ATP2B2: variants seen among roughly 807,000 people sequenced by gnomAD.
The protein encoded by ATP2B2 is plasma membrane calcium-transporting ATPase 2.
A neutral mutation model predicts 120.0 loss-of-function variants in ATP2B2; 15 were observed. The observed-to-expected ratio is 0.12, with a 90% CI of 0.08 to 0.19. The LOEUF (loss-of-function observed/expected upper bound fraction) is 0.19. ATP2B2 is among the 10% of genes least tolerant of loss of function. The pLI is 1.00. For missense variants in ATP2B2, 1,045 were observed against 1,719.8 expected, an observed-to-expected ratio of 0.61 and a Z score of 6.94; for synonymous variants, 694 against 700.3, an observed-to-expected ratio of 0.99 and a Z score of 0.14.
In ATP2B2 at chr3:10,493,848, G is replaced by C. The variant is rs979810407; in HGVS notation, c.-320+11617C>G. ...AGAGGGGCAGGAAGGCCCTCAGAAG[G>C]GGGAGACCCTTAGGTGGGGGTTGAA... is the stretch of plus-strand genomic sequence containing the variant. On this transcript the variant is annotated intron_variant, in intron 1 of 22. Coordinates refer to ENST00000360273, the MANE Select transcript of ATP2B2 (RefSeq NM_001001331.4). Among the ~76,000 whole-genome samples, 25 of 152,192 alleles carry C rather than the reference G, an allele frequency of 1.6e-4. 1 individual carries two copies. The highest frequency in any genetic ancestry group is 5.3e-4 in the African/African-American group (22 of 41,436).
chr3:10,491,373 A>T (rs1298643689), intron 1 of ATP2B2, among the ~76,000 whole-genome samples: 1 of 151,994 alleles, frequency 6.6e-6, no homozygotes, highest in Non-Finnish European at 1.5e-5. Context: ...TTACAGGTGC[A>T]TACCACCATG....
At chr3:10,399,532 C>T (rs1559286057) in intron 5 of ATP2B2, among the ~76,000 whole-genome samples, 1 of 152,218 alleles carries the variant, frequency 6.6e-6, no homozygotes, top group Non-Finnish European at 1.5e-5. Flanking sequence ...TATTTGCTTG[C>T]TTATTACTTT....
At chr3:10,649,609 G>GGATGGGTGAATGGACA (rs1474454360) in intron 1 of ATP2B2, among the ~76,000 whole-genome samples, 1 of 152,182 alleles carries the variant, frequency 6.6e-6, no homozygotes, top group African/African-American at 2.4e-5. Context: ...GGGATGAGAT[G>GGATGGGTGAATGGACA]GATGGGTGAA....
chr3:10,707,814 G>A (rs1193090287), intron 1 of ATP2B2: 1 of 152,292 alleles, frequency 6.6e-6, no homozygotes, highest in East Asian at 1.9e-4. Flanking sequence ...GGGGTCTCCG[G>A]GGCCGAGCGC....
intron 2 of ATP2B2, among the ~76,000 whole-genome samples, chr3:10,554,998 C>T (rs1282546418): frequency 1.3e-5 from 2 of 152,198 alleles, no homozygotes; most frequent in African/African-American, 4.8e-5. Context: ...AAACCTATCC[C>T]CTCTGAACCT....
At chr3:10,526,377 T>A (rs2067091930) in intron 3 of ATP2B2, among the ~76,000 whole-genome samples, 1 of 152,174 alleles carries the variant, frequency 6.6e-6, no homozygotes, top group African/African-American at 2.4e-5. Flanking sequence ...CATTCCCTAT[T>A]TAAGGAGTTC....
intron 2 of ATP2B2, among the ~76,000 whole-genome samples, chr3:10,560,739 C>T (rs949353988): frequency 6.6e-6 from 1 of 152,210 alleles, no homozygotes; most frequent in African/African-American, 2.4e-5. Context: ...ATACACTCCC[C>T]AACAGAAGGG....
intron 1 of ATP2B2, among the ~76,000 whole-genome samples, chr3:10,464,224 C>T (rs188197143): frequency 6.6e-6 from 1 of 152,266 alleles, no homozygotes; most frequent in East Asian, 1.9e-4. Flanking sequence ...GCACCACACT[C>T]CCCAGCGCAG....
intron 2 of ATP2B2, among the ~76,000 whole-genome samples, chr3:10,537,323 C>A (rs974518291): frequency 2.6e-5 from 4 of 152,156 alleles, no homozygotes; most frequent in Non-Finnish European, 4.4e-5. Context: ...GTCTTCCAAT[C>A]CATGAACACA....
At chr3:10,485,694 G>A (rs2065618761) in intron 1 of ATP2B2, among the ~76,000 whole-genome samples, 1 of 152,232 alleles carries the variant, frequency 6.6e-6, no homozygotes, top group African/African-American at 2.4e-5. Flanking sequence ...ACTCACCTCT[G>A]CAGAGAATCG....
Position 10,345,393 on chromosome 3 carries a change from G to A in ATP2B2, c.2694C>T (p.Cys898=), listed in dbSNP as rs1244189718. The A allele has an allele frequency of 6.2e-7, 1 of 1,614,062 alleles. No individual in the cohort carries two copies. The change falls in exon 18 of 23, where the codon TGC becomes TGT. Residue 898 remains cysteine (C), a synonymous_variant. Coordinates refer to ENST00000360273, the MANE Select transcript of ATP2B2 (RefSeq NM_001001331.4). The part of the protein sequence containing the change: ...VAVIVAFTGA[C]ITQDSPLKAV... ...TCTCCTGCGGACCCACCTGCGTGAT[G>A]CAGGCGCCTGTGAAGGCCACAATCA...
chr3:10,633,923 G>A lies in ATP2B2; in HGVS notation c.-459-13962C>T, dbSNP rs965490784. Among the ~76,000 whole-genome samples the A allele has an allele frequency of 2.6e-5, 4 of 152,188 alleles. No individual in the cohort carries two copies. In the South Asian group the frequency reaches 8.3e-4, roughly 32 times the overall value. Reference sequence around the variant, plus strand: ...TTCCTAGATTCCTTCCCAGCTAAGGGTGGCCATCTGACCCATTTTAGCCAT... The same window carrying A: ...TTCCTAGATTCCTTCCCAGCTAAGGATGGCCATCTGACCCATTTTAGCCAT... On this transcript the variant is annotated intron_variant, in intron 1 of 21. Coordinates refer to the ATP2B2 transcript ENST00000646379.
At chr3:10,463,179 A>T (rs568355555) in intron 1 of ATP2B2, among the ~76,000 whole-genome samples, 2 of 151,944 alleles carry the variant, frequency 1.3e-5, no homozygotes, top group African/African-American at 2.4e-5. Flanking sequence ...TCACTCCTTA[A>T]ATCCATACTT....
Position 10,635,863 on chromosome 3 carries a change from AGGCTGCAGTGGC to A in ATP2B2, c.-459-15914_-459-15903del, listed in dbSNP as rs1450081411. On this transcript the variant is annotated intron_variant, in intron 1 of 21. Transcript: ENST00000646379. This position sits in a 1 kb window ranked among gnomAD's most constrained non-coding sequence, Gnocchi z 4.3. ...TCAAAGAGATTCCTGCTGGCAAGGG[AGGCTGCAGTGGC>A]GGCTGCAAGTGTCACTCCCAGGCCT... Among the ~76,000 whole-genome samples the A allele has an allele frequency of 1.3e-5, 2 of 152,130 alleles. No homozygotes were observed. Among genetic ancestry groups the A allele is most frequent in the Non-Finnish European group, 2.9e-5 (2 of 68,024 alleles).
chr3:10,593,387 C>T (rs1341872767), intron 2 of ATP2B2, among the ~76,000 whole-genome samples: 1 of 152,152 alleles, frequency 6.6e-6, no homozygotes, highest in Non-Finnish European at 1.5e-5. Flanking sequence ...ACTCCAGAGT[C>T]CATGCTCTCA....
chr3:10,605,347 T>C (rs570209995), intron 2 of ATP2B2, among the ~76,000 whole-genome samples: 1 of 152,284 alleles, frequency 6.6e-6, no homozygotes, highest in African/African-American at 2.4e-5. Context: ...CTATTCTACA[T>C]ATGGAAAGAC....
intron 2 of ATP2B2, among the ~76,000 whole-genome samples, chr3:10,423,613 C>A (rs1032472323): frequency 6.6e-6 from 1 of 152,204 alleles, no homozygotes; most frequent in African/African-American, 2.4e-5. Flanking sequence ...GCCAGAAAAG[C>A]CCCTTATTCC....
At chr3:10,568,985 T>G (rs2068067634) in intron 2 of ATP2B2, among the ~76,000 whole-genome samples, 1 of 152,228 alleles carries the variant, frequency 6.6e-6, no homozygotes, top group Non-Finnish European at 1.5e-5. Flanking sequence ...ATATAACTTC[T>G]GCAGCTGCTG....
At chr3:10,382,245 A>G (rs1394169145) in intron 8 of ATP2B2, among the ~76,000 whole-genome samples, 1 of 130,582 alleles carries the variant, frequency 7.7e-6, no homozygotes, top group Non-Finnish European at 1.5e-5. Context: ...TATGATGTCT[A>G]GGCTGGTCTC....
Sources: allele counts gnomAD v4.1 joint callset (sites outside exome capture counted in the v4.1 genomes callset), GRCh38; gene constraint gnomAD v4.1.1; non-coding constraint Gnocchi (gnomAD v3.1); transcripts MANE v1.5; gene names NCBI Gene and HGNC (gene_info 2026-07-23, HGNC 2026-07-21).